The following TNFRSF19 variants were observed in gnomAD, a reference collection of about 807,000 sequenced individuals.
TNFRSF19 encodes TNF receptor superfamily member 19.
Under a neutral mutation model 46.4 loss-of-function variants are expected in TNFRSF19, and 27 were observed. The ratio of observed to expected loss-of-function variants is 0.58; its 90% CI spans 0.43 to 0.80. The LOEUF (loss-of-function observed/expected upper bound fraction) is 0.80. TNFRSF19 is among the 30% of genes least tolerant of loss of function. TNFRSF19 has a pLI of 0.00. For missense variants in TNFRSF19, 511 were observed against 530.8 expected (o/e 0.96, Z 0.37); for synonymous variants, 204 against 205.0 (o/e 1.00, Z 0.04).
chr13:23,672,587 T>TG (rs1427556154), intron 9 of TNFRSF19, among the ~76,000 whole-genome samples: 1 of 152,242 alleles, frequency 6.6e-6, no homozygotes, highest in African/African-American at 2.4e-5. Context: ...CTCCTGTTAT[T>TG]GGAAGTGTTT....
chr13:23,607,879 G>T (rs1880621586), intron 3 of TNFRSF19, among the ~76,000 whole-genome samples: 1 of 152,176 alleles, frequency 6.6e-6, no homozygotes, highest in African/African-American at 2.4e-5. Flanking sequence ...GGTTAAGCAG[G>T]TATAGTTAAA....
intron 4 of TNFRSF19, among the ~76,000 whole-genome samples, chr13:23,625,331 T>TA (rs1881929491): frequency 6.8e-6 from 1 of 146,144 alleles, no homozygotes; most frequent in Non-Finnish European, 1.5e-5. Context: ...GTATTCTTTT[T>TA]TTTTTTTTTT....
chr13:23,637,305 G>A (rs1320097414), intron 5 of TNFRSF19, among the ~76,000 whole-genome samples: 2 of 152,194 alleles, frequency 1.3e-5, no homozygotes. Context: ...TGTAGGCTTC[G>A]CTGTGAAGAA....
At chr13:23,607,562 A>G (rs1297831864) in intron 3 of TNFRSF19, among the ~76,000 whole-genome samples, 1 of 152,230 alleles carries the variant, frequency 6.6e-6, no homozygotes, top group Non-Finnish European at 1.5e-5. Context: ...AGCAGAGTAA[A>G]CATAAAACTT....
rs943585141 is a variant in TNFRSF19 at position 23,593,549 on chromosome 13, G to C, written c.180+94G>C. ...TGAGTTAATTATTAATGAAACTTTG[G>C]ATACCATGACAGAATTATTGGATCA... is the stretch of plus-strand genomic sequence containing the variant. On this transcript the variant is annotated intron_variant, in intron 3 of 9. Coordinates refer to ENST00000248484, the MANE Select transcript of TNFRSF19 (RefSeq NM_148957.4). The C allele has an allele frequency of 3.5e-6, 3 of 850,434 alleles. No individual in the cohort carries two copies. The African/African-American group carries it at 5.3e-5, about 15-fold the overall frequency. 52.7% of individuals were successfully genotyped at this position (850,434 alleles called of 1,614,324 possible).
intron 4 of TNFRSF19, among the ~76,000 whole-genome samples, chr13:23,621,148 C>T (rs1881628596): frequency 1.3e-5 from 2 of 152,220 alleles, no homozygotes; most frequent in African/African-American, 4.8e-5. Context: ...CCCACTTCAC[C>T]CTCACCCTAC....
chr13:23,579,429 C>G (rs945991899), intron 1 of TNFRSF19: 1 of 152,642 alleles, frequency 6.6e-6, no homozygotes, highest in Non-Finnish European at 1.5e-5. Flanking sequence ...GGACTGGACC[C>G]CCATGCAACC....
intron 2 of TNFRSF19, among the ~76,000 whole-genome samples, chr13:23,590,896 C>T (rs1879232128): frequency 6.6e-6 from 1 of 151,688 alleles, no homozygotes; most frequent in African/African-American, 2.4e-5. Context: ...ACCATAAATT[C>T]TAATTTGGAG....
chr13:23,579,409 T>G (rs1474914393), intron 1 of TNFRSF19: 1 of 142,864 alleles, frequency 7.0e-6, no homozygotes, highest in Non-Finnish European at 1.5e-5. Flanking sequence ...AGGTGCACGG[T>G]GTGCACGCTG....
intron 7 of TNFRSF19, among the ~76,000 whole-genome samples, chr13:23,666,002 G>A (rs1951625936): frequency 6.6e-6 from 1 of 152,108 alleles, no homozygotes; most frequent in East Asian, 1.9e-4. Flanking sequence ...CAGTTTTGTA[G>A]AATGACACTT....
At chr13:23,639,892 G>A (rs1184093256) in intron 5 of TNFRSF19, among the ~76,000 whole-genome samples, 1 of 152,220 alleles carries the variant, frequency 6.6e-6, no homozygotes, top group African/African-American at 2.4e-5. Flanking sequence ...AAATACAAAG[G>A]ACTTATTGTT....
chr13:23,607,048 G>A lies in TNFRSF19; in HGVS notation c.181-8819G>A, dbSNP rs74634578. Among the ~76,000 whole-genome samples, 1,274 of 152,252 alleles carry A rather than the reference G, an allele frequency of 8.4e-3. 28 individuals are homozygous for A. Among genetic ancestry groups the A allele is most frequent in the East Asian group, 0.077 (397 of 5,182 alleles). ...CACTTCCAAGCTTTACAAATCAAGGGAAAATTTAGTCTTTTGACTAAGACT... is the reference window on the plus strand; with the variant it reads ...CACTTCCAAGCTTTACAAATCAAGGAAAAATTTAGTCTTTTGACTAAGACT... On this transcript the variant is annotated intron_variant, in intron 3 of 9. Coordinates refer to ENST00000248484, the MANE Select transcript of TNFRSF19 (RefSeq NM_148957.4).
At chr13:23,582,103 G>A (rs1375921302) in intron 1 of TNFRSF19, among the ~76,000 whole-genome samples, 11 of 151,986 alleles carry the variant, frequency 7.2e-5, no homozygotes, top group Admixed American at 2.6e-4. Flanking sequence ...AGGCTTGGCC[G>A]GGCACGGTGG....
At chr13:23,650,418 G>A (rs1026607751) in intron 5 of TNFRSF19, among the ~76,000 whole-genome samples, 4 of 152,174 alleles carry the variant, frequency 2.6e-5, no homozygotes, top group African/African-American at 9.6e-5. Context: ...TCATTAAAAA[G>A]TGAAGCTCCG....
At chr13:23,623,309 A>G (rs1351627344) in intron 4 of TNFRSF19, among the ~76,000 whole-genome samples, 2 of 152,198 alleles carry the variant, frequency 1.3e-5, no homozygotes, top group Non-Finnish European at 2.9e-5. Context: ...TAAGACTAAT[A>G]ATATTTCATT....
At chr13:23,622,894 G>T (rs1007604222) in intron 4 of TNFRSF19, among the ~76,000 whole-genome samples, 3 of 152,152 alleles carry the variant, frequency 2.0e-5, no homozygotes, top group South Asian at 4.1e-4. Flanking sequence ...ACTTCTTAAA[G>T]AAGAAAGCTC....
At chr13:23,638,759 C>T (rs1284743435) in intron 5 of TNFRSF19, among the ~76,000 whole-genome samples, 4 of 152,148 alleles carry the variant, frequency 2.6e-5, no homozygotes, top group Non-Finnish European at 5.9e-5. Flanking sequence ...TCTCCCTCAC[C>T]CCGTGCCTCT....
At chr13:23,590,678 C>A (rs182286949) in intron 2 of TNFRSF19, among the ~76,000 whole-genome samples, 138 of 152,300 alleles carry the variant, frequency 9.1e-4, no homozygotes, top group African/African-American at 3.2e-3. Context: ...GTTTTTATCT[C>A]TTTCAAATGG....
intron 1 of TNFRSF19, among the ~76,000 whole-genome samples, chr13:23,586,046 G>A (rs974998527): frequency 8.6e-5 from 13 of 151,998 alleles, no homozygotes; most frequent in African/African-American, 3.1e-4. Context: ...CGAGGCGGGC[G>A]GATCACAAGG....
Sources: gnomAD v4.1 joint callset for allele counts (sites outside exome capture counted in the v4.1 genomes callset) on GRCh38, gnomAD v4.1.1 for gene constraint, MANE v1.5 for transcripts, NCBI Gene and HGNC (gene_info 2026-07-23, HGNC 2026-07-21) for gene names.